Variants in CSMD1 observed in about 807,000 individuals in gnomAD.
CSMD1 encodes the protein CUB and Sushi multiple domains 1, also known as CUB and sushi domain-containing protein 1.
In CSMD1, 213 loss-of-function variants were observed where a neutral mutation model predicts 417.5. That is an observed-to-expected ratio of 0.51 (90% confidence interval 0.46 to 0.57). The LOEUF is 0.57. Among genes scored for constraint, CSMD1 ranks in the 20% least tolerant of loss-of-function variants. The probability of loss-of-function intolerance (pLI) is 0.00; values close to 1 mark genes in which losing one functional copy is unlikely to be tolerated. For missense variants in CSMD1, 6,923 were observed against 4,529.7 expected, an observed-to-expected ratio of 1.53 and a Z score of -15.17; for synonymous variants, 2,862 against 1,736.8, an observed-to-expected ratio of 1.65 and a Z score of -16.11.
At position 4,193,647 on chromosome 8, in the gene CSMD1, T is replaced by G. The variant is rs138251330; in HGVS notation, c.416-161548A>C. ...GTGTGCTGTCAAGGGAGGCCCAGTG[T>G]TTAGTATTTACCCAAACACGGCAAA... On this transcript the variant is annotated intron_variant, in intron 3 of 69. Coordinates refer to ENST00000635120, the MANE Select transcript of CSMD1 (RefSeq NM_033225.6). Among the ~76,000 whole-genome samples, 247 of 151,916 alleles carry G rather than the reference T, an allele frequency of 1.6e-3. 4 individuals are homozygous for G. The highest frequency in any genetic ancestry group is 5.9e-3 in the African/African-American group (244 of 41,376).
intron 2 of CSMD1, among the ~76,000 whole-genome samples, chr8:4,624,849 T>A (rs557510035): frequency 1.3e-4 from 20 of 152,198 alleles, no homozygotes; most frequent in Middle Eastern, 3.4e-3. Context: ...CACCTTAGCC[T>A]TTCAAATTAC....
At chr8:3,973,610 T>C (rs1813223965) in intron 5 of CSMD1, among the ~76,000 whole-genome samples, 1 of 152,166 alleles carries the variant, frequency 6.6e-6, no homozygotes, top group African/African-American at 2.4e-5. Context: ...AGAAACAATT[T>C]CATCATTGTG....
intron 5 of CSMD1, among the ~76,000 whole-genome samples, chr8:3,772,783 A>G (rs1385472593): frequency 6.6e-6 from 1 of 151,814 alleles, no homozygotes; most frequent in Non-Finnish European, 1.5e-5. Context: ...TGGTCTATAA[A>G]GCACCATGAC....
intron 5 of CSMD1, among the ~76,000 whole-genome samples, chr8:3,945,718 T>G (rs1811179507): frequency 6.6e-6 from 1 of 152,094 alleles, no homozygotes; most frequent in Non-Finnish European, 1.5e-5. Context: ...CTCATTTCCT[T>G]ACCTTAGGTT....
intron 3 of CSMD1, among the ~76,000 whole-genome samples, chr8:4,406,623 T>G (rs550856582): frequency 6.6e-6 from 1 of 152,282 alleles, no homozygotes; most frequent in South Asian, 2.1e-4. Context: ...GACCGGAGGC[T>G]GGGACTGGCC....
At chr8:4,248,450 T>A (rs1802844324) in intron 3 of CSMD1, among the ~76,000 whole-genome samples, 1 of 152,132 alleles carries the variant, frequency 6.6e-6, no homozygotes, top group Admixed American at 6.6e-5. Context: ...AGATCCTAAT[T>A]AAAAGTAAAA....
chr8:3,220,057 A>C (rs1798111130), intron 28 of CSMD1, among the ~76,000 whole-genome samples: 1 of 150,054 alleles, frequency 6.7e-6, no homozygotes, highest in South Asian at 2.1e-4. Context: ...AGGCTGGATG[A>C]TCACTTGAGG....
At chr8:4,543,952 G>C (rs190615763) in intron 2 of CSMD1, among the ~76,000 whole-genome samples, 1 of 152,034 alleles carries the variant, frequency 6.6e-6, no homozygotes, top group African/African-American at 2.4e-5. Flanking sequence ...TGTCTGTTAA[G>C]GTCTTTAGCC....
intron 23 of CSMD1, among the ~76,000 whole-genome samples, chr8:3,311,171 T>C (rs530413714): frequency 6.6e-6 from 1 of 152,338 alleles, no homozygotes; most frequent in South Asian, 2.1e-4. Context: ...GGCCTATAGT[T>C]GTGGAAAATC....
At chr8:3,394,396 T>G (rs1034325841) in intron 17 of CSMD1, among the ~76,000 whole-genome samples, 2 of 151,698 alleles carry the variant, frequency 1.3e-5, no homozygotes, top group African/African-American at 4.8e-5. Flanking sequence ...AAGAAGACAT[T>G]TATTTAAATG....
At chr8:4,421,697 G>A (rs1271215298) in intron 2 of CSMD1, among the ~76,000 whole-genome samples, 1 of 151,876 alleles carries the variant, frequency 6.6e-6, no homozygotes, top group Non-Finnish European at 1.5e-5. Flanking sequence ...GTGCTGAGAA[G>A]GTAATTAGTC....
intron 5 of CSMD1, among the ~76,000 whole-genome samples, chr8:3,978,454 G>C (rs1272703544): frequency 1.3e-5 from 2 of 151,708 alleles, no homozygotes; most frequent in African/African-American, 2.4e-5. Context: ...TACCAATACA[G>C]GCATTATTGT....
At chr8:3,752,064 T>C (rs2129053314) in intron 6 of CSMD1, among the ~76,000 whole-genome samples, 1 of 152,218 alleles carries the variant, frequency 6.6e-6, no homozygotes, top group Non-Finnish European at 1.5e-5. Flanking sequence ...GTCTTCCTCA[T>C]TCAAACCCAC....
intron 5 of CSMD1, among the ~76,000 whole-genome samples, chr8:3,985,037 G>C (rs1353807243): frequency 6.6e-6 from 1 of 152,014 alleles, no homozygotes; most frequent in Non-Finnish European, 1.5e-5. Context: ...ACCACATTTT[G>C]ATTACTGTGC....
intron 1 of CSMD1, among the ~76,000 whole-genome samples, chr8:4,979,910 C>A (rs535101105): frequency 6.6e-6 from 1 of 151,928 alleles, no homozygotes; most frequent in African/African-American, 2.4e-5. Context: ...TGAAGGTGGG[C>A]GCCAGTACTC....
At chr8:4,175,906 C>A (rs560333995) in intron 3 of CSMD1, among the ~76,000 whole-genome samples, 81 of 152,206 alleles carry the variant, frequency 5.3e-4, no homozygotes, top group African/African-American at 2.0e-3. Flanking sequence ...GTCCTAATTA[C>A]CACTTTTCTG....
At chr8:4,093,319 T>C (rs1486118847) in intron 3 of CSMD1, among the ~76,000 whole-genome samples, 3 of 152,346 alleles carry the variant, frequency 2.0e-5, no homozygotes, top group African/African-American at 7.2e-5. Context: ...CAGGTTTTAA[T>C]TTCCATGAAG....
intron 5 of CSMD1, among the ~76,000 whole-genome samples, chr8:3,926,094 C>A (rs865991767): frequency 3.3e-5 from 2 of 59,918 alleles, no homozygotes; most frequent in Non-Finnish European, 5.9e-5. Flanking sequence ...CACACACACA[C>A]ACACACACAC....
intron 5 of CSMD1, among the ~76,000 whole-genome samples, chr8:3,853,213 C>T (rs1804036076): frequency 1.3e-5 from 2 of 152,086 alleles, no homozygotes; most frequent in African/African-American, 4.8e-5. Context: ...TGTTTTCAGT[C>T]TTCTTTGTTG....
Sources: allele counts gnomAD v4.1 joint callset (sites outside exome capture counted in the v4.1 genomes callset), GRCh38; gene constraint gnomAD v4.1.1; transcripts MANE v1.5; gene names NCBI Gene and HGNC (gene_info 2026-07-23, HGNC 2026-07-21).